The following SCAF4 variants were observed in gnomAD, a reference collection of about 807,000 sequenced individuals.
SCAF4 encodes SR-related and CTD-associated factor 4.
SCAF4 carries 25 observed loss-of-function variants against 129.8 expected under a neutral mutation model. The ratio of observed to expected loss-of-function variants is 0.19; its 90% CI spans 0.14 to 0.27. The LOEUF is 0.27. Ranked by LOEUF, SCAF4 falls within the 10% of genes least tolerant of loss-of-function variation. The pLI, the probability that SCAF4 is intolerant of heterozygous loss-of-function variation, is 1.00. For missense variants in SCAF4, 1,246 were observed against 1,457.1 expected (o/e 0.86, Z 2.36); for synonymous variants, 551 against 497.7 (o/e 1.11, Z -1.43).
At chr21:31,673,807 T>C (rs1361109132) in intron 19 of SCAF4, among the ~76,000 whole-genome samples, 1 of 152,270 alleles carries the variant, frequency 6.6e-6, no homozygotes, top group East Asian at 1.9e-4. Context: ...GGGATCATTA[T>C]ATAGAAACAC....
chr21:31,697,134 C>T (rs1038779200), intron 7 of SCAF4, among the ~76,000 whole-genome samples: 8 of 151,918 alleles, frequency 5.3e-5, no homozygotes, highest in Admixed American at 5.2e-4. Context: ...ATAAAATGTA[C>T]AAAAAGACTG....
rs150186446 is a variant in SCAF4, at chr21:31,727,219, C to T, written c.30+4444G>A. On this transcript the variant is annotated intron_variant, in intron 1 of 19. Transcript: ENST00000286835. ...TCAGCCTCCCAAGTAGCTGGGATTACAGGCGCCTACCACCAGGCCCAGCTA... is the reference window on the plus strand; with the variant it reads ...TCAGCCTCCCAAGTAGCTGGGATTATAGGCGCCTACCACCAGGCCCAGCTA... Among the ~76,000 whole-genome samples the T allele has an allele frequency of 3.1e-3, 470 of 152,186 alleles. 4 individuals are homozygous for T. The highest frequency in any genetic ancestry group is 0.011 in the African/African-American group (443 of 41,532).
At chr21:31,725,853 C>G (rs990585553) in intron 1 of SCAF4, among the ~76,000 whole-genome samples, 2 of 152,012 alleles carry the variant, frequency 1.3e-5, no homozygotes, top group Non-Finnish European at 2.9e-5. Flanking sequence ...TGATGTCACT[C>G]TTTATTAATT....
At chr21:31,695,776 C>A (rs1027407245) in intron 9 of SCAF4, among the ~76,000 whole-genome samples, 1 of 152,148 alleles carries the variant, frequency 6.6e-6, no homozygotes, top group East Asian at 1.9e-4. Flanking sequence ...GAGCTCAGAG[C>A]CCTCTAAAGT....
At chr21:31,699,939 A>T (rs939614103) in intron 7 of SCAF4, among the ~76,000 whole-genome samples, 2 of 152,102 alleles carry the variant, frequency 1.3e-5, no homozygotes, top group African/African-American at 2.4e-5. Context: ...AGCAGCTGAG[A>T]CACTGACCTA....
chr21:31,706,078 C>T (rs1273038580), intron 2 of SCAF4, among the ~76,000 whole-genome samples, 196 bp downstream of exon 2: 2 of 152,146 alleles, frequency 1.3e-5, no homozygotes, highest in African/African-American at 4.8e-5. Context: ...CCCCTACCCC[C>T]ACCAAAAAAC....
Position 31,693,326 on chromosome 21 carries a change from C to T in SCAF4, c.1481G>A (p.Gly494Asp), listed in dbSNP as rs759319146. 2 of 1,517,746 alleles carry T rather than the reference C, an allele frequency of 1.3e-6. No individual in the cohort carries two copies. The highest frequency in any genetic ancestry group is 1.2e-5 in the South Asian group (1 of 80,394). The allele number at this position is 1,517,746 out of a possible 1,614,324, so 94.0% of individuals were successfully genotyped here. A position where few individuals can be genotyped will look rare whatever the true frequency, so the allele number is the denominator to read the frequency against. Residue 494 changes from glycine to aspartate, a missense_variant, in exon 12 of 20, where the codon GGC becomes GAC. This residue lies in a region of SCAF4 where 468 missense variants were observed against 605.5 expected (regional missense o/e 0.77). Transcript: ENST00000286835. ...AGTTTCCGGTTTCACTTGAGGGAGGCCTTTTTGTCGACGTTCTCTCTCTTT... is the reference window on the plus strand; with the variant it reads ...AGTTTCCGGTTTCACTTGAGGGAGGTCTTTTTGTCGACGTTCTCTCTCTTT... Reference protein sequence around the residue: ...REKERERRQKGLPQVKPETAS... With the variant: ...REKERERRQKDLPQVKPETAS...
Position 31,702,356 on chromosome 21 carries a change from G to A in SCAF4, c.345C>T (p.Asn115=). ...EDKSKIVRVL[N]LWQKNGVFKI... Reference sequence around the variant, plus strand: ...TGAACACTCCATTTTTTTGCCAAAGGTTCAGCACACGAACTATTTTACTCT... The same window carrying A: ...TGAACACTCCATTTTTTTGCCAAAGATTCAGCACACGAACTATTTTACTCT... Residue 115 remains asparagine, a synonymous_variant, in exon 5 of 20, where the codon AAC becomes AAT. Transcript: ENST00000286835. 6.2e-7 allele frequency: 1 copy of A among 1,613,718 alleles called. No individual in the cohort carries two copies. Among genetic ancestry groups the A allele is most frequent in the Non-Finnish European group, 8.5e-7 (1 of 1,179,830 alleles).
intron 1 of SCAF4, chr21:31,713,021 ATC>A (rs1171378540): frequency 2.4e-5 from 5 of 206,760 alleles, no homozygotes; most frequent in Middle Eastern, 2.2e-3. Flanking sequence ...TCATTGCTAT[ATC>A]TGTTTTATTT....
chr21:31,688,575 T>C (rs2050185425), intron 15 of SCAF4, 111 bp from the exon 16 acceptor site: 1 of 832,580 alleles, frequency 1.2e-6, no homozygotes, highest in Non-Finnish European at 1.9e-6. Context: ...TTAAAGAAAT[T>C]CCCATGCTAA....
At chr21:31,681,773 T>G (rs1340369449) in intron 19 of SCAF4, among the ~76,000 whole-genome samples, 1 of 152,210 alleles carries the variant, frequency 6.6e-6, no homozygotes, top group African/African-American at 2.4e-5. Context: ...ACAACTCAAC[T>G]AATTACTCCC....
intron 6 of SCAF4, 93 bp from the exon 7 acceptor site, chr21:31,701,264 A>C: frequency 8.8e-7 from 1 of 1,134,724 alleles, no homozygotes; most frequent in Non-Finnish European, 1.2e-6. Flanking sequence ...AAGGTGATTC[A>C]AAGTAGCATA....
chr21:31,671,294 G>A lies in SCAF4; in HGVS notation c.*105C>T. ...ATTGCTTACAGTTCCCCACCAGCTGGCGCGGGGCTGCAGTACAGCGGGAGC... is the reference window on the plus strand; with the variant it reads ...ATTGCTTACAGTTCCCCACCAGCTGACGCGGGGCTGCAGTACAGCGGGAGC... On this transcript the variant is annotated 3_prime_UTR_variant, in exon 20 of 20. Coordinates refer to ENST00000286835, the MANE Select transcript of SCAF4 (RefSeq NM_020706.2). 7.8e-7 allele frequency: 1 copy of A among 1,289,226 alleles called. No homozygotes were observed. Among genetic ancestry groups the A allele is most frequent in the Non-Finnish European group, 1.0e-6 (1 of 958,460 alleles). The allele number at this position is 1,289,226 out of a possible 1,614,324, so 79.9% of individuals were successfully genotyped here. A position where few individuals can be genotyped will look rare whatever the true frequency, so the allele number is the denominator to read the frequency against.
intron 16 of SCAF4, among the ~76,000 whole-genome samples, chr21:31,686,853 T>C (rs66864461): frequency 0.073 from 11,054 of 152,234 alleles, 557 homozygotes; most frequent in African/African-American, 0.14. Flanking sequence ...GGAGCAGCTT[T>C]ATCCTGAAAC....
At chr21:31,684,860 A>AT in intron 19 of SCAF4, 189 bp downstream of exon 19, 1 of 581,670 alleles carries the variant, frequency 1.7e-6, no homozygotes, top group South Asian at 2.1e-5. Context: ...TCAAGTACAC[A>AT]TATTTGACTT....
intron 19 of SCAF4, 86 bp downstream of exon 19, chr21:31,684,963 T>C (rs2050079083): frequency 1.6e-6 from 1 of 609,368 alleles, no homozygotes. Flanking sequence ...AACATTGTTT[T>C]TTTAAAAAAA....
At chr21:31,720,523 A>G (rs2051042522) in intron 1 of SCAF4, among the ~76,000 whole-genome samples, 1 of 152,150 alleles carries the variant, frequency 6.6e-6, no homozygotes, top group African/African-American at 2.4e-5. Context: ...TTAGATAAGG[A>G]CTCACTGCTC....
intron 15 of SCAF4, among the ~76,000 whole-genome samples, chr21:31,690,582 T>C (rs936029771): frequency 3.3e-5 from 5 of 152,234 alleles, no homozygotes; most frequent in Admixed American, 1.3e-4. Flanking sequence ...CTGTAATTCA[T>C]AGATCCCATA....
chr21:31,713,201 C>G (rs1294877301), intron 1 of SCAF4, among the ~76,000 whole-genome samples: 1 of 152,110 alleles, frequency 6.6e-6, no homozygotes, highest in African/African-American at 2.4e-5. Context: ...AGGAATCTCT[C>G]AAGAGAAGTA....
Sources: gnomAD v4.1 joint callset for allele counts (sites outside exome capture counted in the v4.1 genomes callset) on GRCh38, gnomAD v4.1.1 for gene constraint, gnomAD v4.1.1 regional missense constraint, MANE v1.5 for transcripts, NCBI Gene and HGNC (gene_info 2026-07-23, HGNC 2026-07-21) for gene names.